MBOAT2: variants seen among roughly 807,000 people sequenced by gnomAD.
The protein encoded by MBOAT2 is membrane-bound glycerophospholipid O-acyltransferase 2.
MBOAT2 carries 28 observed loss-of-function variants against 63.4 expected under a neutral mutation model. The observed-to-expected ratio is 0.44, with a 90% CI of 0.33 to 0.61. The LOEUF (loss-of-function observed/expected upper bound fraction) is 0.61, where lower values mean the gene tolerates loss of function less well. Ranked by LOEUF, MBOAT2 falls within the 20% of genes least tolerant of loss-of-function variation. The pLI, the probability that MBOAT2 is intolerant of heterozygous loss-of-function variation, is 0.03. For synonymous variants in MBOAT2, 211 were observed against 215.6 expected, an observed-to-expected ratio of 0.98 and a Z score of 0.19; for missense variants, 470 against 605.8, an observed-to-expected ratio of 0.78 and a Z score of 2.35.
intron 12 of MBOAT2, among the ~76,000 whole-genome samples, chr2:8,860,098 A>G (rs562945478): frequency 6.6e-6 from 1 of 152,086 alleles, no homozygotes; most frequent in Admixed American, 6.5e-5. Context: ...TGAGGCAGAG[A>G]ATTGCTTGAA....
intron 1 of MBOAT2, among the ~76,000 whole-genome samples, chr2:8,962,327 T>A (rs947232770): frequency 1.3e-5 from 2 of 152,096 alleles, no homozygotes; most frequent in African/African-American, 4.8e-5. Flanking sequence ...CCAAACAGAA[T>A]AATGGTCCAT....
At chr2:8,860,505 G>A (rs746357423) in intron 12 of MBOAT2, 108 bp downstream of exon 12, 20 of 1,108,316 alleles carry the variant, frequency 1.8e-5, no homozygotes, top group Admixed American at 2.3e-5. Flanking sequence ...GCATTTATCA[G>A]CAGGAAATGT....
chr2:8,916,404 C>A (rs1666179142), intron 3 of MBOAT2, among the ~76,000 whole-genome samples: 1 of 152,182 alleles, frequency 6.6e-6, no homozygotes, highest in African/African-American at 2.4e-5. Context: ...TTATTCATTG[C>A]ATAAGAACTG....
rs776691004 is a variant in MBOAT2, at chr2:8,943,228, G to A, written c.258C>T (p.Ser86=). 10 of 1,586,228 alleles carry A rather than the reference G, an allele frequency of 6.3e-6. No homozygotes were observed. Among genetic ancestry groups the A allele is most frequent in the Non-Finnish European group, 8.6e-6 (10 of 1,162,560 alleles). The part of the protein sequence containing the change: ...ALHFLVQSGI[S]YCIMIIIGVE... Reference sequence around the variant, plus strand: ...CTCCTATGATGATCATGATACAGTAGGAAATTCCACTTTGTACAAGAAAGT... The same window carrying A: ...CTCCTATGATGATCATGATACAGTAAGAAATTCCACTTTGTACAAGAAAGT... Residue 86 remains serine, a synonymous_variant, in exon 3 of 13, where the codon TCC becomes TCT. Coordinates refer to ENST00000305997, the MANE Select transcript of MBOAT2 (RefSeq NM_138799.4).
chr2:8,940,171 G>A (rs753807287), intron 3 of MBOAT2, among the ~76,000 whole-genome samples: 7 of 152,020 alleles, frequency 4.6e-5, no homozygotes, highest in African/African-American at 7.2e-5. Context: ...ACGTCTTAAC[G>A]GGGGATAGAA....
chr2:8,984,508 G>C (rs915094509), intron 1 of MBOAT2, among the ~76,000 whole-genome samples: 1 of 152,146 alleles, frequency 6.6e-6, no homozygotes, highest in African/African-American at 2.4e-5. Flanking sequence ...AGGGCATGCA[G>C]GGAGCTTAAA....
rs13430117 is a variant in MBOAT2, at chr2:8,899,982, G to C, written c.395+8639C>G. On this transcript the variant is annotated intron_variant, in intron 4 of 12. Coordinates refer to ENST00000305997, the MANE Select transcript of MBOAT2 (RefSeq NM_138799.4). ...GATTGGGTAATAAACTTATCTTTTA[G>C]AATCAATTGACCCTCTAGTGATTTG... Among the ~76,000 whole-genome samples the C allele has an allele frequency of 4.5e-3, 678 of 152,252 alleles. 1 individual carries two copies. Among genetic ancestry groups the C allele is most frequent in the Non-Finnish European group, 6.9e-3 (471 of 68,024 alleles).
At chr2:8,863,572 T>C (rs1334393074) in intron 10 of MBOAT2, among the ~76,000 whole-genome samples, 3 of 152,138 alleles carry the variant, frequency 2.0e-5, no homozygotes, top group Non-Finnish European at 4.4e-5. Flanking sequence ...CACCCACACT[T>C]GTAGGAAGTT....
At chr2:8,887,938 A>C in intron 5 of MBOAT2, 80 bp downstream of exon 5, 1 of 1,293,290 alleles carries the variant, frequency 7.7e-7, no homozygotes, top group South Asian at 1.2e-5. Context: ...CTAATAGCAG[A>C]AAGTTATGGC....
In MBOAT2 at chr2:8,909,334, C is replaced by T. The variant is rs145657847; in HGVS notation, c.300-618G>A. ...TATTTAACATTGAATAGGATGAAGG[C>T]TGCAATGCAAATTATCAGGGAATGG... On this transcript the variant is annotated intron_variant, in intron 3 of 12. Coordinates refer to ENST00000305997, the MANE Select transcript of MBOAT2 (RefSeq NM_138799.4). 2.1e-3 allele frequency among the ~76,000 whole-genome samples: 313 copies of T among 152,192 alleles called. 2 individuals carry two copies. Among genetic ancestry groups the T allele is most frequent in the African/African-American group, 7.3e-3 (302 of 41,512 alleles).
chr2:8,883,844 A>C (rs1414603375), intron 5 of MBOAT2, among the ~76,000 whole-genome samples: 4 of 152,186 alleles, frequency 2.6e-5, no homozygotes, highest in African/African-American at 9.7e-5. Flanking sequence ...ACAATTGGGG[A>C]ATGGGAATAT....
At chr2:8,971,598 A>G (rs536590001) in intron 1 of MBOAT2, among the ~76,000 whole-genome samples, 3 of 152,158 alleles carry the variant, frequency 2.0e-5, no homozygotes, top group Admixed American at 6.6e-5. Flanking sequence ...CAGATAACAT[A>G]ATTGTATATT....
At chr2:8,881,044 G>T (rs1312216148) in intron 6 of MBOAT2, among the ~76,000 whole-genome samples, 1 of 152,212 alleles carries the variant, frequency 6.6e-6, no homozygotes, top group Non-Finnish European at 1.5e-5. Context: ...TGTTCAGGTG[G>T]TGGGGATGGC....
intron 3 of MBOAT2, among the ~76,000 whole-genome samples, chr2:8,937,104 G>A (rs62104431): frequency 0.049 from 7,464 of 152,252 alleles, 184 homozygotes; most frequent in Middle Eastern, 0.058. Context: ...GAGAGAGTAC[G>A]GTCTGGCAAG....
chr2:8,900,829 A>G (rs1664867226), intron 4 of MBOAT2, among the ~76,000 whole-genome samples: 1 of 152,158 alleles, frequency 6.6e-6, no homozygotes, highest in Non-Finnish European at 1.5e-5. Flanking sequence ...TCAGGATAGT[A>G]TTGTAATTTG....
intron 1 of MBOAT2, among the ~76,000 whole-genome samples, chr2:8,980,043 T>G (rs1671090802): frequency 6.6e-6 from 1 of 152,146 alleles, no homozygotes; most frequent in South Asian, 2.1e-4. Flanking sequence ...CATAATTAAG[T>G]AGTCAAAGGC....
intron 3 of MBOAT2, among the ~76,000 whole-genome samples, chr2:8,925,888 TCTTAC>T (rs1481619060): frequency 6.6e-6 from 1 of 152,238 alleles, no homozygotes; most frequent in Non-Finnish European, 1.5e-5. Flanking sequence ...TAACGGTACA[TCTTAC>T]CATCAATGAC....
At chr2:8,952,455 A>C (rs948804807) in intron 2 of MBOAT2, among the ~76,000 whole-genome samples, 1 of 152,218 alleles carries the variant, frequency 6.6e-6, no homozygotes, top group East Asian at 1.9e-4. Flanking sequence ...AGTGATGACT[A>C]TAAGTACAGA....
intron 1 of MBOAT2, among the ~76,000 whole-genome samples, chr2:8,991,955 C>G (rs904571741): frequency 7.2e-5 from 11 of 152,180 alleles, no homozygotes; most frequent in African/African-American, 2.7e-4. Context: ...ACCCACGCAT[C>G]TGCCTTTCCA....
Sources: allele counts gnomAD v4.1 joint callset (sites outside exome capture counted in the v4.1 genomes callset), GRCh38; gene constraint gnomAD v4.1.1; transcripts MANE v1.5; gene names NCBI Gene and HGNC (gene_info 2026-07-23, HGNC 2026-07-21).